Variants in TMEM132B observed in about 807,000 individuals in gnomAD.
TMEM132B encodes transmembrane protein 132B.
In TMEM132B, 18 loss-of-function variants were observed where a neutral mutation model predicts 90.8. The observed-to-expected ratio is 0.20, with a 90% CI of 0.14 to 0.29. The LOEUF is 0.29. Ranked by LOEUF, TMEM132B falls within the 10% of genes least tolerant of loss-of-function variation. TMEM132B has a pLI of 1.00. For synonymous variants in TMEM132B, 504 were observed against 523.3 expected (o/e 0.96, Z 0.50); for missense variants, 1,096 against 1,326.8 (o/e 0.83, Z 2.70).
At chr12:125,387,169 G>C (rs1234131172) in intron 2 of TMEM132B, among the ~76,000 whole-genome samples, 2 of 151,086 alleles carry the variant, frequency 1.3e-5, no homozygotes, top group African/African-American at 4.9e-5. Flanking sequence ...GGGAGATGGT[G>C]GGGGGGTGGG....
intron 1 of TMEM132B, among the ~76,000 whole-genome samples, chr12:125,250,711 G>T (rs914816038): frequency 1.1e-4 from 16 of 152,270 alleles, no homozygotes; most frequent in Non-Finnish European, 7.4e-5. Flanking sequence ...GAGCCCAGAA[G>T]ACCCAGTGGA....
At chr12:125,536,054 G>A (rs569495606) in intron 4 of TMEM132B, among the ~76,000 whole-genome samples, 1 of 152,292 alleles carries the variant, frequency 6.6e-6, no homozygotes, top group South Asian at 2.1e-4. Flanking sequence ...GTTGCATCTG[G>A]GCATGGTGGA....
intron 1 of TMEM132B, among the ~76,000 whole-genome samples, chr12:125,313,494 C>T (rs1275971825): frequency 6.8e-6 from 1 of 146,492 alleles, no homozygotes; most frequent in Non-Finnish European, 1.5e-5. Context: ...TCCCTTCCTC[C>T]TTCCCTTTCT....
intron 1 of TMEM132B, among the ~76,000 whole-genome samples, chr12:125,276,743 G>A (rs950600132): frequency 2.0e-5 from 3 of 152,208 alleles, no homozygotes; most frequent in Admixed American, 2.0e-4. Context: ...TGGCGGAAGC[G>A]CTGGCGTCTC....
chr12:125,508,909 G>T (rs1197874426), intron 3 of TMEM132B, among the ~76,000 whole-genome samples: 4 of 151,590 alleles, frequency 2.6e-5, no homozygotes, highest in Admixed American at 2.6e-4. Flanking sequence ...TCAGTCTCCG[G>T]AGTAGCTGGG....
intron 1 of TMEM132B, among the ~76,000 whole-genome samples, chr12:125,257,245 G>T (rs1468725053): frequency 2.0e-5 from 3 of 152,124 alleles, no homozygotes; most frequent in Non-Finnish European, 4.4e-5. Context: ...GTTCAAGGCT[G>T]CTGGGAGCTA....
chr12:125,521,247 C>G (rs7973814), intron 4 of TMEM132B, among the ~76,000 whole-genome samples: 8,612 of 152,058 alleles, frequency 0.057, 842 homozygotes, highest in African/African-American at 0.2. Context: ...CCTTCACTTC[C>G]CCTCCTTCTC....
rs1186365158 is a variant in TMEM132B at position 125,460,056 on chromosome 12, GC to G, written c.1106+44381del. 6.6e-6 allele frequency among the ~76,000 whole-genome samples: 1 copy of G among 152,138 alleles called. No homozygotes were observed. The highest frequency in any genetic ancestry group is 1.5e-5 in the Non-Finnish European group (1 of 68,040). ...TTATAAATTACACAGTCTCAGGTAT[GC>G]CTTTATCAGCAGTGTGTGAACAGAC... On this transcript the variant is annotated intron_variant, in intron 3 of 8. Coordinates refer to ENST00000682704, the MANE Select transcript of TMEM132B (RefSeq NM_001366854.1). The surrounding 1 kb of genome is among the most constrained non-coding windows in gnomAD (Gnocchi z 4.4).
At chr12:125,425,602 C>G (rs1312076213) in intron 3 of TMEM132B, among the ~76,000 whole-genome samples, 1 of 152,182 alleles carries the variant, frequency 6.6e-6, no homozygotes, top group African/African-American at 2.4e-5. Context: ...TCTACCTACC[C>G]TCTCCCTCCT....
chr12:125,646,543 G>T (rs1849494080), intron 6 of TMEM132B, among the ~76,000 whole-genome samples: 2 of 152,190 alleles, frequency 1.3e-5, no homozygotes, highest in South Asian at 4.1e-4. Context: ...CCAGGGAAGT[G>T]CCCTCGTCTC....
rs1881352311 is a variant in TMEM132B, at chr12:125,458,458, G to A, written c.1106+42781G>A. Among the ~76,000 whole-genome samples, 1 of 152,162 alleles carries A rather than the reference G, an allele frequency of 6.6e-6. No homozygotes were observed. The highest frequency in any genetic ancestry group is 2.4e-5 in the African/African-American group (1 of 41,422). On this transcript the variant is annotated intron_variant, in intron 3 of 8. Transcript: ENST00000682704. This position sits in a 1 kb window ranked among gnomAD's most constrained non-coding sequence, Gnocchi z 4.9. ...TAGAGAGAAGGAAACAAACCAGGCTGGGACCCCAGGCGACCAGCAGGGGTC... is the reference window on the plus strand; with the variant it reads ...TAGAGAGAAGGAAACAAACCAGGCTAGGACCCCAGGCGACCAGCAGGGGTC...
chr12:125,561,116 C>T (rs1592994053), intron 4 of TMEM132B, among the ~76,000 whole-genome samples: 1 of 152,096 alleles, frequency 6.6e-6, no homozygotes, highest in Non-Finnish European at 1.5e-5. Flanking sequence ...AGGCTTGAAA[C>T]CAACCCAAAT....
rs946895362 is a variant in TMEM132B, at chr12:125,246,623, T to A, written c.67+59757T>A. 1.3e-5 allele frequency among the ~76,000 whole-genome samples: 2 copies of A among 152,244 alleles called. No homozygotes were observed. Among genetic ancestry groups the A allele is most frequent in the African/African-American group, 4.8e-5 (2 of 41,468 alleles). On this transcript the variant is annotated intron_variant, in intron 1 of 8. Coordinates refer to ENST00000682704, the MANE Select transcript of TMEM132B (RefSeq NM_001366854.1). The surrounding 1 kb of genome is among the most constrained non-coding windows in gnomAD (Gnocchi z 4.2). The stretch of plus-strand genomic sequence containing the variant: ...AGCGTCTCCAGCACACACAGTGCCA[T>A]TTAAAGAGGAAGCCCTGGTTCCAGT...
At chr12:125,359,921 T>C (rs985167721) in intron 2 of TMEM132B, among the ~76,000 whole-genome samples, 2 of 152,082 alleles carry the variant, frequency 1.3e-5, no homozygotes, top group African/African-American at 4.8e-5. Flanking sequence ...CTACTAAAGA[T>C]ATAAAAATTA....
chr12:125,515,870 ACACT>A (rs1483110753), intron 3 of TMEM132B, among the ~76,000 whole-genome samples: 3 of 151,386 alleles, frequency 2.0e-5, no homozygotes, highest in Non-Finnish European at 2.9e-5. Flanking sequence ...CCTGTCACAC[ACACT>A]CATAGACATT....
intron 3 of TMEM132B, among the ~76,000 whole-genome samples, chr12:125,419,985 T>A (rs1181924720): frequency 6.6e-6 from 1 of 152,240 alleles, no homozygotes; most frequent in Non-Finnish European, 1.5e-5. Context: ...GTCACACTGA[T>A]GCAAAAGGTA....
chr12:125,195,689 G>A (rs1472787300), intron 1 of TMEM132B, among the ~76,000 whole-genome samples: 2 of 152,094 alleles, frequency 1.3e-5, no homozygotes, highest in Non-Finnish European at 2.9e-5. Flanking sequence ...GTGAGCCACC[G>A]CACCTGGCCA....
At chr12:125,191,063 G>A (rs1198698946) in intron 1 of TMEM132B, among the ~76,000 whole-genome samples, 1 of 90,714 alleles carries the variant, frequency 1.1e-5, no homozygotes, top group Non-Finnish European at 2.2e-5. Context: ...GGTGGGGAAG[G>A]GGTGGTGATG....
At chr12:125,554,429 A>T (rs11058240) in intron 4 of TMEM132B, among the ~76,000 whole-genome samples, 17 of 99,870 alleles carry the variant, frequency 1.7e-4, no homozygotes, top group African/African-American at 7.1e-4. Flanking sequence ...CATTTCATTA[A>T]AAAAAAAAAA....
Sources: allele counts gnomAD v4.1 joint callset (sites outside exome capture counted in the v4.1 genomes callset), GRCh38; gene constraint gnomAD v4.1.1; non-coding constraint Gnocchi (gnomAD v3.1); transcripts MANE v1.5; gene names NCBI Gene and HGNC (gene_info 2026-07-23, HGNC 2026-07-21).